Variants in VAMP2 observed in about 807,000 individuals in gnomAD.
VAMP2 encodes the protein vesicle associated membrane protein 2, also known as vesicle-associated membrane protein 2.
For synonymous variants in VAMP2, 67 were observed against 57.3 expected (o/e 1.17, Z -0.76); for missense variants, 95 against 151.3 (o/e 0.63, Z 1.95).
chr17:8,162,713 C>T, intron 1 of VAMP2, 165 bp downstream of exon 1: 1 of 1,304,630 alleles, frequency 7.7e-7, no homozygotes, highest in Non-Finnish European at 9.7e-7. Flanking sequence ...AGCCGGCCAG[C>T]CCGGGACGCG....
rs201492595 is a variant in VAMP2, at chr17:8,161,707, C to A, written c.183G>T (p.Ser61=). The change falls in exon 3 of 5, where the codon TCG becomes TCT. Residue 61 remains serine, a synonymous_variant. Coordinates refer to ENST00000316509, the MANE Select transcript of VAMP2 (RefSeq NM_014232.3). The part of the protein sequence containing the change: ...DKVLERDQKL[S]ELDDRADALQ... ...GTGCATCTGCACGGTCGTCCAGCTC[C>A]GACAGCTTCTGGTCTCGCTCCAGGA... is the stretch of plus-strand genomic sequence containing the variant. The A allele has an allele frequency of 4.3e-6, 7 of 1,614,038 alleles. No individual in the cohort carries two copies. The highest frequency in any genetic ancestry group is 5.9e-6 in the Non-Finnish European group (7 of 1,180,018).
Position 8,162,374 on chromosome 17 carries a change from G to C in VAMP2, c.3-5C>G. The C allele has an allele frequency of 6.2e-7, 1 of 1,610,764 alleles. No individual in the cohort carries two copies. The highest frequency in any genetic ancestry group is 8.5e-7 in the Non-Finnish European group (1 of 1,178,910). The stretch of plus-strand genomic sequence containing the variant: ...GCCGTGGCAGCGGTAGCAGACCTGA[G>C]GAGCAGGGACGGATTAAGACCCAGG... On this transcript the variant is annotated splice_polypyrimidine_tract_variant and splice_region_variant and intron_variant, in intron 1 of 4. Transcript: ENST00000316509.
chr17:8,159,587 CA>C lies in VAMP2; in HGVS notation c.*1267del, dbSNP rs957652456. The C allele has an allele frequency of 3.3e-5, 5 of 152,648 alleles. No individual in the cohort carries two copies. The highest frequency in any genetic ancestry group is 9.7e-5 in the African/African-American group (4 of 41,400). The allele number at this position is 152,648 out of a possible 1,614,324, so 9.5% of individuals were successfully genotyped here. ...GTGACTAGTACCCCCACCCTAAATT[CA>C]GGGGGGGCAGTCAGAGGAGCTGGGC... On this transcript the variant is annotated 3_prime_UTR_variant, in exon 5 of 5. Transcript: ENST00000316509.
At chr17:8,161,448 C>A (rs776688281) in intron 4 of VAMP2, 25 bp downstream of exon 4, 12 of 1,613,518 alleles carry the variant, frequency 7.4e-6, no homozygotes, top group Admixed American at 1.7e-5. Context: ...AGGGAAAGGG[C>A]CCCGGCCATT....
chr17:8,160,504 A>G lies in VAMP2; in HGVS notation c.*351T>C, dbSNP rs981262259. 2.6e-5 allele frequency: 4 copies of G among 152,110 alleles called. No homozygotes were observed. The highest frequency in any genetic ancestry group is 1.8e-4 in the East Asian group (1 of 5,530). 9.4% of individuals were successfully genotyped at this position (152,110 alleles called of 1,614,324 possible). ...GATCAGCTAAATCTGAGGGAAGAAGAAGGAAAGGAGAGGGACTATTGCATA... is the reference window on the plus strand; with the variant it reads ...GATCAGCTAAATCTGAGGGAAGAAGGAGGAAAGGAGAGGGACTATTGCATA... On this transcript the variant is annotated 3_prime_UTR_variant, in exon 5 of 5. Coordinates refer to ENST00000316509, the MANE Select transcript of VAMP2 (RefSeq NM_014232.3).
At position 8,160,821 on chromosome 17, in the gene VAMP2, G is replaced by C; in HGVS notation, c.*34C>G. Reference sequence around the variant, plus strand: ...GGAACGGCTGAGGGTTGGGGGAGAGGCCCTTCTCTAGGCAGGGCAGACTCC... The same window carrying C: ...GGAACGGCTGAGGGTTGGGGGAGAGCCCCTTCTCTAGGCAGGGCAGACTCC... On this transcript the variant is annotated 3_prime_UTR_variant, in exon 5 of 5. Transcript: ENST00000316509. 1 of 1,605,304 alleles carries C rather than the reference G, an allele frequency of 6.2e-7. No individual in the cohort carries two copies. The highest frequency in any genetic ancestry group is 8.5e-7 in the Non-Finnish European group (1 of 1,174,754).
chr17:8,160,393 T>TTTTTTTTTTTG lies in VAMP2; in HGVS notation c.*461_*462insCAAAAAAAAAA, dbSNP rs1983267558. Reference sequence around the variant, plus strand: ...ACAGGTGCTGTTGTTTTTTTTTTTTTTTTTTTTTTTTTGAGGGCGGGGCAG... The same window carrying TTTTTTTTTTTG: ...ACAGGTGCTGTTGTTTTTTTTTTTTTTTTTTTTTTTGTTTTTTTTTTTTGAGGGCGGGGCAG... On this transcript the variant is annotated 3_prime_UTR_variant, in exon 5 of 5. Coordinates refer to ENST00000316509, the MANE Select transcript of VAMP2 (RefSeq NM_014232.3). The TTTTTTTTTTTG allele has an allele frequency of 1.5e-5, 2 of 131,002 alleles. No homozygotes were observed. Among genetic ancestry groups the TTTTTTTTTTTG allele is most frequent in the Non-Finnish European group, 3.3e-5 (2 of 61,148 alleles). 8.1% of individuals were successfully genotyped at this position (131,002 alleles called of 1,614,324 possible). A position where few individuals can be genotyped will look rare whatever the true frequency, so the allele number is the denominator to read the frequency against.
At position 8,160,737 on chromosome 17, in the gene VAMP2, G is replaced by T. The variant is rs1983283942; in HGVS notation, c.*118C>A. ...CTATTTACAGGGGGACACACACACG[G>T]ACACACACACACACGGATCCAGGGG... On this transcript the variant is annotated 3_prime_UTR_variant, in exon 5 of 5. Coordinates refer to ENST00000316509, the MANE Select transcript of VAMP2 (RefSeq NM_014232.3). The T allele has an allele frequency of 1.1e-6, 1 of 891,238 alleles. No homozygotes were observed. The highest frequency in any genetic ancestry group is 2.8e-5 in the East Asian group (1 of 35,204). The allele number at this position is 891,238 out of a possible 1,614,324, so 55.2% of individuals were successfully genotyped here.
chr17:8,162,554 C>T, intron 1 of VAMP2, 185 bp from the exon 2 acceptor site: 2 of 1,446,020 alleles, frequency 1.4e-6, no homozygotes, highest in Non-Finnish European at 1.8e-6. Flanking sequence ...TTGAGCGAGG[C>T]CCCCCCGGCC....
rs1311831829 is a variant in VAMP2 at position 8,160,307 on chromosome 17, A to T, written c.*548T>A. 1 of 150,582 alleles carries T rather than the reference A, an allele frequency of 6.6e-6. No homozygotes were observed. 9.3% of individuals were successfully genotyped at this position (150,582 alleles called of 1,614,324 possible). A position where few individuals can be genotyped will look rare whatever the true frequency, so the allele number is the denominator to read the frequency against. Reference sequence around the variant, plus strand: ...AAAGACCTTGGGATTCTTAGGACCAAGTGGGGCCAGTCTCAGAGCCTCCCA... The same window carrying T: ...AAAGACCTTGGGATTCTTAGGACCATGTGGGGCCAGTCTCAGAGCCTCCCA... On this transcript the variant is annotated 3_prime_UTR_variant, in exon 5 of 5. Coordinates refer to ENST00000316509, the MANE Select transcript of VAMP2 (RefSeq NM_014232.3).
intron 4 of VAMP2, 143 bp downstream of exon 4, chr17:8,161,330 C>T: frequency 1.6e-6 from 2 of 1,238,560 alleles, no homozygotes; most frequent in East Asian, 5.1e-5. Context: ...AAGTTTTTGG[C>T]TCTAGATGAA....
Position 8,159,435 on chromosome 17 carries a change from T to C in VAMP2, c.*1420A>G, listed in dbSNP as rs1983222453. 6.6e-6 allele frequency: 1 copy of C among 152,544 alleles called. No individual in the cohort carries two copies. Among genetic ancestry groups the C allele is most frequent in the Admixed American group, 6.5e-5 (1 of 15,274 alleles). 9.4% of individuals were successfully genotyped at this position (152,544 alleles called of 1,614,324 possible). The stretch of plus-strand genomic sequence containing the variant: ...CCCTCAAACCCTTAAAATTGTGCCA[T>C]TTAAAAAGACAATAGACCCTTCCTC... On this transcript the variant is annotated 3_prime_UTR_variant, in exon 5 of 5. Transcript: ENST00000316509.
Position 8,162,296 on chromosome 17 carries a change from G to C in VAMP2, c.76C>G (p.Leu26Val). 1.3e-6 allele frequency: 2 copies of C among 1,594,044 alleles called. No homozygotes were observed. Among genetic ancestry groups the C allele is most frequent in the Non-Finnish European group, 8.5e-7 (1 of 1,173,156 alleles). ...TGCTGCAGTCTCCTGTTACTGGTGA[G>C]GTTTGGAGGGGGTGCAGGGGGACCA... Reference protein sequence around the residue: ...EGGPPAPPPNLTSNRRLQQTQ... With the variant: ...EGGPPAPPPNVTSNRRLQQTQ... Residue 26 changes from leucine (L) to valine (V), a missense_variant, in exon 2 of 5, where the codon CTC (leucine) becomes GTC (valine). Leu to Val is a conservative substitution (Grantham distance 32). Transcript: ENST00000316509.
At chr17:8,161,569 C>T (rs1983314439) in intron 3 of VAMP2, 39 bp downstream of exon 3, 1 of 1,613,878 alleles carries the variant, frequency 6.2e-7, no homozygotes, top group Non-Finnish European at 8.5e-7. Context: ...TATGATACCC[C>T]ATTCACCCAC....
intron 1 of VAMP2, chr17:8,162,616 C>A: frequency 1.4e-6 from 2 of 1,403,542 alleles, no homozygotes; most frequent in South Asian, 3.2e-5. Flanking sequence ...CGATCCGGGT[C>A]GACCCGAAAA....
rs1483647444 is a variant in VAMP2 at position 8,160,151 on chromosome 17, A to G, written c.*704T>C. On this transcript the variant is annotated 3_prime_UTR_variant, in exon 5 of 5. Coordinates refer to ENST00000316509, the MANE Select transcript of VAMP2 (RefSeq NM_014232.3). The stretch of plus-strand genomic sequence containing the variant: ...AATGTCGTGCAAATGAAAATGTGAT[A>G]CAAGAACTAATGGGGACTAACTCCT... 6.6e-6 allele frequency: 1 copy of G among 152,466 alleles called. No homozygotes were observed. Among genetic ancestry groups the G allele is most frequent in the African/African-American group, 2.4e-5 (1 of 41,414 alleles). 9.4% of individuals were successfully genotyped at this position (152,466 alleles called of 1,614,324 possible). A position where few individuals can be genotyped will look rare whatever the true frequency, so the allele number is the denominator to read the frequency against.
rs1983256187 is a variant in VAMP2, at chr17:8,160,361, A to C, written c.*494T>G. 1 of 130,162 alleles carries C rather than the reference A, an allele frequency of 7.7e-6. No homozygotes were observed. Among genetic ancestry groups the C allele is most frequent in the South Asian group, 2.7e-4 (1 of 3,766 alleles). The allele number at this position is 130,162 out of a possible 1,614,324, so 8.1% of individuals were successfully genotyped here. A position where few individuals can be genotyped will look rare whatever the true frequency, so the allele number is the denominator to read the frequency against. Reference sequence around the variant, plus strand: ...GATACAAAGAAGATGTACCTAAGGAAGCCTGGACAGGTGCTGTTGTTTTTT... The same window carrying C: ...GATACAAAGAAGATGTACCTAAGGACGCCTGGACAGGTGCTGTTGTTTTTT... On this transcript the variant is annotated 3_prime_UTR_variant, in exon 5 of 5. Coordinates refer to ENST00000316509, the MANE Select transcript of VAMP2 (RefSeq NM_014232.3).
Position 8,161,593 on chromosome 17 carries a change from T to C in VAMP2, c.282+15A>G. ...CCATTCACCCACCTGTCCTCCTTCC[T>C]GTCCCCACCCTTACCTTGAGGTTTT... On this transcript the variant is annotated intron_variant, in intron 3 of 4. Coordinates refer to ENST00000316509, the MANE Select transcript of VAMP2 (RefSeq NM_014232.3). 1 of 1,614,018 alleles carries C rather than the reference T, an allele frequency of 6.2e-7. No individual in the cohort carries two copies. The highest frequency in any genetic ancestry group is 8.5e-7 in the Non-Finnish European group (1 of 1,179,876).
At chr17:8,162,717 G>T in intron 1 of VAMP2, 161 bp downstream of exon 1, 2 of 1,301,278 alleles carry the variant, frequency 1.5e-6, no homozygotes, top group Non-Finnish European at 1.9e-6. Context: ...GGCCAGCCCG[G>T]GACGCGGGGC....
Sources: gnomAD v4.1 joint callset for allele counts on GRCh38, gnomAD v4.1.1 for gene constraint, MANE v1.5 for transcripts, NCBI Gene and HGNC (gene_info 2026-07-23, HGNC 2026-07-21) for gene names.